Variants in SLAMF1 observed in about 807,000 individuals in gnomAD.
SLAMF1 encodes the protein signaling lymphocytic activation molecule family member 1.
A neutral mutation model predicts 35.1 loss-of-function variants in SLAMF1; 18 were observed. The observed-to-expected ratio is 0.51, with a 90% CI of 0.35 to 0.76. The LOEUF is 0.76. Among genes scored for constraint, SLAMF1 ranks in the 30% least tolerant of loss-of-function variants. The probability of loss-of-function intolerance (pLI) is 0.01; values close to 1 mark genes in which losing one functional copy is unlikely to be tolerated. For missense variants in SLAMF1, 392 were observed against 413.0 expected (o/e 0.95, Z 0.44); for synonymous variants, 168 against 157.2 (o/e 1.07, Z -0.51).
At chr1:160,643,916 G>A (rs1478680440) in intron 1 of SLAMF1, among the ~76,000 whole-genome samples, 1 of 152,096 alleles carries the variant, frequency 6.6e-6, no homozygotes, top group Non-Finnish European at 1.5e-5. Context: ...CATGAGGTAT[G>A]GAAGGGAAAT....
At chr1:160,645,516 G>A (rs1186840339) in intron 1 of SLAMF1, among the ~76,000 whole-genome samples, 1 of 152,180 alleles carries the variant, frequency 6.6e-6, no homozygotes, top group African/African-American at 2.4e-5. Flanking sequence ...GGGCCAGGCT[G>A]GCCAAGAGGC....
chr1:160,641,482 A>T (rs1446948951), intron 1 of SLAMF1, among the ~76,000 whole-genome samples: 1 of 152,070 alleles, frequency 6.6e-6, no homozygotes, highest in Non-Finnish European at 1.5e-5. Context: ...AAAATAAAAA[A>T]ATAAAATAAA....
intron 5 of SLAMF1, among the ~76,000 whole-genome samples, chr1:160,615,200 A>G (rs1355235270): frequency 1.7e-5 from 1 of 59,128 alleles, no homozygotes; most frequent in Non-Finnish European, 3.4e-5. Flanking sequence ...AAATTGTGAA[A>G]ATGTGGGTAA....
chr1:160,627,476 C>T (rs1162648497), intron 3 of SLAMF1, among the ~76,000 whole-genome samples: 2 of 152,156 alleles, frequency 1.3e-5, no homozygotes, highest in Non-Finnish European at 2.9e-5. Flanking sequence ...GTCTCTTCAC[C>T]AGTGTCCAGA....
At chr1:160,619,432 C>T (rs550946822) in intron 5 of SLAMF1, among the ~76,000 whole-genome samples, 1 of 152,256 alleles carries the variant, frequency 6.6e-6, no homozygotes, top group African/African-American at 2.4e-5. Context: ...TCCAAACCTC[C>T]TCTCTCCTCA....
chr1:160,631,181 T>C (rs942359539), intron 3 of SLAMF1, among the ~76,000 whole-genome samples: 2 of 152,344 alleles, frequency 1.3e-5, no homozygotes, highest in Middle Eastern at 3.4e-3. Context: ...TCGTTATTCA[T>C]GCGCAAACAC....
At chr1:160,633,783 T>C (rs1417550389) in intron 3 of SLAMF1, among the ~76,000 whole-genome samples, 2 of 152,228 alleles carry the variant, frequency 1.3e-5, no homozygotes, top group Non-Finnish European at 2.9e-5. Flanking sequence ...ATGCTTTTCT[T>C]TCTAGAGGAA....
intron 4 of SLAMF1, among the ~76,000 whole-genome samples, chr1:160,621,265 C>T (rs12027020): frequency 0.011 from 1,599 of 152,174 alleles, 25 homozygotes; most frequent in African/African-American, 0.036. Context: ...TTAATTTATT[C>T]TCTTAAAAAA....
chr1:160,627,475 C>G (rs1659941379), intron 3 of SLAMF1, among the ~76,000 whole-genome samples: 1 of 152,150 alleles, frequency 6.6e-6, no homozygotes. Context: ...AGTCTCTTCA[C>G]CAGTGTCCAG....
chr1:160,616,281 T>A (rs1659296925), intron 5 of SLAMF1, among the ~76,000 whole-genome samples: 1 of 152,064 alleles, frequency 6.6e-6, no homozygotes, highest in Admixed American at 6.5e-5. Flanking sequence ...AGAACTCTGT[T>A]ACTTATTTTT....
In SLAMF1 at chr1:160,634,722, G is replaced by A; in HGVS notation, c.591C>T (p.Thr197=). The A allele has an allele frequency of 1.9e-6, 3 of 1,614,192 alleles. No individual in the cohort carries two copies. Among genetic ancestry groups the A allele is most frequent in the African/African-American group, 1.3e-5 (1 of 75,040 alleles). Residue 197 remains threonine, a synonymous_variant, in exon 3 of 7, where the codon ACC becomes ACT. Coordinates refer to ENST00000302035, the MANE Select transcript of SLAMF1 (RefSeq NM_003037.5). The part of the protein sequence containing the change: ...PANSSHLLSL[T]LGPQHADNIY... The stretch of plus-strand genomic sequence containing the variant: ...TATTGTCAGCATGCTGGGGGCCGAG[G>A]GTGAGGGACAGGAGGTGGGAGCTGT...
chr1:160,639,942 G>T (rs532601107), intron 1 of SLAMF1, among the ~76,000 whole-genome samples: 12 of 151,784 alleles, frequency 7.9e-5, no homozygotes, highest in African/African-American at 2.9e-4. Flanking sequence ...TGCTTTTGCT[G>T]TTCCTCTCTC....
chr1:160,643,268 G>A (rs1286262078), intron 1 of SLAMF1, among the ~76,000 whole-genome samples: 1 of 152,132 alleles, frequency 6.6e-6, no homozygotes. Flanking sequence ...TACATGTCTT[G>A]GCTTTTATGG....
intron 4 of SLAMF1, among the ~76,000 whole-genome samples, chr1:160,620,732 A>T (rs994293181): frequency 6.6e-6 from 1 of 152,228 alleles, no homozygotes; most frequent in Non-Finnish European, 1.5e-5. Flanking sequence ...TTTGATGTAT[A>T]TCCCTGTAGA....
In SLAMF1 at chr1:160,642,594, C is replaced by T. The variant is rs769922003; in HGVS notation, c.76+4276G>A. Among the ~76,000 whole-genome samples, 2 of 151,984 alleles carry T rather than the reference C, an allele frequency of 1.3e-5. No homozygotes were observed. The highest frequency in any genetic ancestry group is 4.8e-5 in the African/African-American group (2 of 41,358). On this transcript the variant is annotated intron_variant, in intron 1 of 6. Coordinates refer to ENST00000302035, the MANE Select transcript of SLAMF1 (RefSeq NM_003037.5). The surrounding 1 kb of genome is among the most constrained non-coding windows in gnomAD (Gnocchi z 4.2). ...TAGGAGCTCAGTAAATCCTTGTTGC[C>T]CAAGTGAATTAATAAAACAGAATGG... is the stretch of plus-strand genomic sequence containing the variant.
intron 1 of SLAMF1, among the ~76,000 whole-genome samples, chr1:160,638,155 TAA>T (rs11344567): frequency 2.1e-4 from 31 of 148,314 alleles, no homozygotes; most frequent in African/African-American, 6.9e-4. Context: ...ACAACAAGGT[TAA>T]AAAAAAAAAT....
intron 1 of SLAMF1, among the ~76,000 whole-genome samples, chr1:160,640,359 TAC>T (rs1184249247): frequency 4.8e-4 from 59 of 122,432 alleles, no homozygotes; most frequent in South Asian, 1.0e-3. Flanking sequence ...TATATATATA[TAC>T]ACACACACAC....
intron 3 of SLAMF1, among the ~76,000 whole-genome samples, chr1:160,624,773 G>A (rs1267569517): frequency 1.3e-5 from 2 of 152,072 alleles, no homozygotes; most frequent in East Asian, 1.9e-4. Flanking sequence ...AAATTAGCCC[G>A]AGAACTAATC....
intron 3 of SLAMF1, among the ~76,000 whole-genome samples, chr1:160,628,838 A>G (rs921355527): frequency 1.3e-5 from 2 of 152,240 alleles, no homozygotes; most frequent in African/African-American, 4.8e-5. Flanking sequence ...TACAATAACA[A>G]GATGGAGCCA....
Sources: gnomAD v4.1 joint callset for allele counts (sites outside exome capture counted in the v4.1 genomes callset) on GRCh38, gnomAD v4.1.1 for gene constraint, Gnocchi (gnomAD v3.1) non-coding constraint, MANE v1.5 for transcripts, NCBI Gene and HGNC (gene_info 2026-07-23, HGNC 2026-07-21) for gene names.